Variants in DOP1A observed in about 807,000 individuals in gnomAD.
The protein encoded by DOP1A is DOP1 leucine zipper like protein A.
DOP1A carries 90 observed loss-of-function variants against 267.6 expected under a neutral mutation model. The observed-to-expected ratio is 0.34, with a 90% CI of 0.28 to 0.40. The LOEUF is 0.40. Among genes scored for constraint, DOP1A ranks in the 10% least tolerant of loss-of-function variants. The probability of loss-of-function intolerance (pLI) is 1.00; values close to 1 mark genes in which losing one functional copy is unlikely to be tolerated. For synonymous variants in DOP1A, 932 were observed against 999.1 expected (o/e 0.93, Z 1.27); for missense variants, 2,437 against 2,900.4 (o/e 0.84, Z 3.67).
At chr6:83,092,565 C>A (rs576612063) in intron 1 of DOP1A, among the ~76,000 whole-genome samples, 6 of 118,470 alleles carry the variant, frequency 5.1e-5, no homozygotes, top group African/African-American at 9.5e-5. Context: ...CTCCCCCCCC[C>A]CCCACCATAT....
Position 83,097,102 on chromosome 6 carries a change from G to A in DOP1A, c.125G>A (p.Gly42Glu). Reference sequence around the variant, plus strand: ...TGGGCAGATTTGATATCAGCACTTGGAAAACTTAATAAGGTATGTCTGTAT... The same window carrying A: ...TGGGCAGATTTGATATCAGCACTTGAAAAACTTAATAAGGTATGTCTGTAT... ...SEWADLISALGKLNKVLQNNA... is the reference protein window; with the variant it reads ...SEWADLISALEKLNKVLQNNA... Residue 42 changes from glycine to glutamate, a missense_variant, in exon 3 of 39, where the codon GGA (glycine) becomes GAA (glutamate). Transcript: ENST00000349129. 1 of 1,613,936 alleles carries A rather than the reference G, an allele frequency of 6.2e-7. No individual in the cohort carries two copies. The highest frequency in any genetic ancestry group is 1.7e-4 in the Middle Eastern group (1 of 6,058).
At chr6:83,117,953 T>C (rs138823060) in intron 7 of DOP1A, among the ~76,000 whole-genome samples, 9 of 152,308 alleles carry the variant, frequency 5.9e-5, no homozygotes, top group African/African-American at 1.9e-4. Context: ...TCCTTTCTAA[T>C]TCTATCAAGA....
Position 83,158,593 on chromosome 6 carries a change from G to A in DOP1A, c.6768G>A (p.Gln2256=). 6.2e-7 allele frequency: 1 copy of A among 1,608,020 alleles called. No homozygotes were observed. Among genetic ancestry groups the A allele is most frequent in the Non-Finnish European group, 8.5e-7 (1 of 1,176,680 alleles). The change falls in exon 36 of 39, where the codon CAG becomes CAA. Residue 2256 remains glutamine (Q), a synonymous_variant. Coordinates refer to ENST00000349129, the MANE Select transcript of DOP1A (RefSeq NM_015018.4). ...ELVQVFLLME[Q]ELTADEDISR... ...TACAAGTATTTTTACTGATGGAGCA[G>A]GAACTCACTGCTGATGAAGATATTT... is the stretch of plus-strand genomic sequence containing the variant.
rs1421687855 is a variant in DOP1A at position 83,102,798 on chromosome 6, GACTTT to G, written c.320+1917_320+1921del. Among the ~76,000 whole-genome samples, 13 of 152,310 alleles carry G rather than the reference GACTTT, an allele frequency of 8.5e-5. No individual in the cohort carries two copies. The East Asian group carries it at 2.5e-3, about 29-fold the overall frequency. On this transcript the variant is annotated intron_variant, in intron 4 of 38. Coordinates refer to ENST00000349129, the MANE Select transcript of DOP1A (RefSeq NM_015018.4). ...AAAAAGGCTTTAACATGGCTTTGAA[GACTTT>G]ACTTCCTGAAGTACTCTGACCCTGG...
At chr6:83,109,126 G>A in intron 5 of DOP1A, 46 bp downstream of exon 5, 1 of 1,573,396 alleles carries the variant, frequency 6.4e-7, no homozygotes, top group Non-Finnish European at 8.6e-7. Context: ...TCATGGATTT[G>A]TCAGCAAGCA....
At position 83,139,147 on chromosome 6, in the gene DOP1A, G is replaced by A; in HGVS notation, c.5105G>A (p.Gly1702Glu). The A allele has an allele frequency of 6.2e-7, 1 of 1,611,400 alleles. No individual in the cohort carries two copies. The highest frequency in any genetic ancestry group is 1.1e-5 in the South Asian group (1 of 90,834). The change falls in exon 21 of 39, where the codon GGA (glycine) becomes GAA (glutamate). Residue 1702 changes from glycine to glutamate, a missense_variant. This residue lies in a region of DOP1A where 307 missense variants were observed against 308.6 expected (regional missense o/e 0.99). Coordinates refer to ENST00000349129, the MANE Select transcript of DOP1A (RefSeq NM_015018.4). ...NLIQQYKYET[G>E]LSDSRPLWMA... ...ATTCAGCAGTACAAATACGAAACAG[G>A]ATTATCTGATAGTAGGTAAGAGGTG...
intron 30 of DOP1A, among the ~76,000 whole-genome samples, chr6:83,152,821 T>G (rs1781975218): frequency 6.6e-6 from 1 of 152,088 alleles, no homozygotes; most frequent in African/African-American, 2.4e-5. Context: ...TTTCATCAGT[T>G]TGGCCAGGCT....
intron 1 of DOP1A, among the ~76,000 whole-genome samples, chr6:83,071,914 A>G (rs1785682017): frequency 6.6e-6 from 1 of 152,222 alleles, no homozygotes; most frequent in Non-Finnish European, 1.5e-5. Flanking sequence ...CTGTTGATTC[A>G]GGAGTGATGA....
chr6:83,099,583 A>G (rs1263073886), intron 3 of DOP1A, among the ~76,000 whole-genome samples: 1 of 152,068 alleles, frequency 6.6e-6, no homozygotes, highest in Non-Finnish European at 1.5e-5. Flanking sequence ...ATATTCACAA[A>G]AGTAGATTTC....
chr6:83,121,328 C>T (rs1776347397), intron 10 of DOP1A, among the ~76,000 whole-genome samples: 1 of 151,686 alleles, frequency 6.6e-6, no homozygotes, highest in Non-Finnish European at 1.5e-5. Flanking sequence ...GGTGTCTTCT[C>T]ACCATTTTTT....
intron 1 of DOP1A, among the ~76,000 whole-genome samples, chr6:83,092,242 A>T (rs988738015): frequency 3.0e-4 from 2 of 6,634 alleles, no homozygotes; most frequent in Non-Finnish European, 3.8e-3. Context: ...TTTTTAATTT[A>T]TTACCAGTCT....
chr6:83,113,703 C>CT (rs1774944334), intron 7 of DOP1A, among the ~76,000 whole-genome samples: 2 of 152,168 alleles, frequency 1.3e-5, no homozygotes, highest in South Asian at 4.1e-4. Flanking sequence ...ATTGCTAACT[C>CT]TGAGTAAGCC....
chr6:83,153,590 A>G lies in DOP1A; in HGVS notation c.6209A>G (p.His2070Arg). ...ATTCCTTTACTTGTAAATATTATGC[A>G]TTATGTTGTGCCCTACCTCAGAAAT... ...RVIPLLVNIMHYVVPYLRNHS... is the reference protein window; with the variant it reads ...RVIPLLVNIMRYVVPYLRNHS... The change falls in exon 31 of 39, where the codon CAT (histidine) becomes CGT (arginine). Residue 2070 changes from histidine (H) to arginine (R), a missense_variant. Physicochemically the swap from His to Arg is conservative, Grantham distance 29 (BLOSUM62 0). Transcript: ENST00000349129. 1 of 1,607,922 alleles carries G rather than the reference A, an allele frequency of 6.2e-7. No individual in the cohort carries two copies. Among genetic ancestry groups the G allele is most frequent in the Non-Finnish European group, 8.5e-7 (1 of 1,177,448 alleles).
chr6:83,113,468 G>A (rs2128187884), intron 7 of DOP1A, 47 bp downstream of exon 7: 1 of 1,465,536 alleles, frequency 6.8e-7, no homozygotes, highest in Non-Finnish European at 9.6e-7. Flanking sequence ...TTGGAAAACT[G>A]TAGATTGATA....
chr6:83,135,778 A>C lies in DOP1A; in HGVS notation c.3030A>C (p.Ser1010=). Residue 1010 remains serine (S), a synonymous_variant, in exon 20 of 39, where the codon TCA becomes TCC. Transcript: ENST00000349129. ...LLLHPKTQRV[S]VQRVQAERYW... is the part of the protein sequence containing the mutation. ...TTCATCCAAAAACTCAGAGGGTTTCAGTACAGCGTGTACAAGCAGAACGTT... is the reference window on the plus strand; with the variant it reads ...TTCATCCAAAAACTCAGAGGGTTTCCGTACAGCGTGTACAAGCAGAACGTT... 1 of 1,613,778 alleles carries C rather than the reference A, an allele frequency of 6.2e-7. No individual in the cohort carries two copies. Among genetic ancestry groups the C allele is most frequent in the Non-Finnish European group, 8.5e-7 (1 of 1,179,730 alleles).
At chr6:83,159,622 A>G in intron 36 of DOP1A, 174 bp from the exon 37 acceptor site, 1 of 731,582 alleles carries the variant, frequency 1.4e-6, no homozygotes, top group Non-Finnish European at 2.3e-6. Flanking sequence ...CAAAGAAGAA[A>G]AGTGAATTTT....
chr6:83,169,615 T>C (rs1786655089), downstream of DOP1A: 3 of 454,866 alleles, frequency 6.6e-6, no homozygotes, highest in South Asian at 3.6e-5. Flanking sequence ...TAATCCACAA[T>C]TGGCCTAACA....
At chr6:83,149,483 T>A (rs757371089) in intron 27 of DOP1A, among the ~76,000 whole-genome samples, 1 of 152,124 alleles carries the variant, frequency 6.6e-6, no homozygotes, top group Non-Finnish European at 1.5e-5. Context: ...GCAAAGTACC[T>A]TGTCTGATTT....
chr6:83,154,971 C>T (rs1168484266), intron 33 of DOP1A, among the ~76,000 whole-genome samples: 4 of 152,108 alleles, frequency 2.6e-5, no homozygotes, highest in Non-Finnish European at 5.9e-5. Flanking sequence ...TTTATCCATT[C>T]AACAAATTTT....
Sources: gnomAD v4.1 joint callset for allele counts (sites outside exome capture counted in the v4.1 genomes callset) on GRCh38, gnomAD v4.1.1 for gene constraint, gnomAD v4.1.1 regional missense constraint, MANE v1.5 for transcripts, NCBI Gene and HGNC (gene_info 2026-07-23, HGNC 2026-07-21) for gene names.